Variants in SLC30A8 observed in about 807,000 individuals in gnomAD.
SLC30A8 encodes the protein proton-coupled zinc antiporter SLC30A8.
SLC30A8 carries 27 observed loss-of-function variants against 36.9 expected under a neutral mutation model. The ratio of observed to expected loss-of-function variants is 0.73; its 90% confidence interval spans 0.54 to 1.01. The LOEUF (loss-of-function observed/expected upper bound fraction) is 1.01, where lower values mean the gene tolerates loss of function less well. Ranked by LOEUF, SLC30A8 falls within the 50% of genes least tolerant of loss-of-function variation. The pLI, the probability that SLC30A8 is intolerant of heterozygous loss-of-function variation, is 0.00. For synonymous variants in SLC30A8, 164 were observed against 172.4 expected (o/e 0.95, Z 0.38); for missense variants, 439 against 452.0 (o/e 0.97, Z 0.26).
chr8:117,047,136 G>T (rs1817577879), intron 2 of SLC30A8, among the ~76,000 whole-genome samples: 2 of 152,218 alleles, frequency 1.3e-5, no homozygotes, highest in African/African-American at 4.8e-5. Context: ...CATTAGCAGG[G>T]ACTACTGAGG....
At position 117,125,132 on chromosome 8, in the gene SLC30A8, C is replaced by T. The variant is rs115449922; in HGVS notation, c.-225-10148C>T. On this transcript the variant is annotated intron_variant, in intron 2 of 10. Coordinates refer to the SLC30A8 transcript ENST00000427715. ...GTTAAGAACTAACAAACTGAGCAAC[C>T]GATCTCCAGGTAGTTTAATCAGAAT... 1.4e-4 allele frequency among the ~76,000 whole-genome samples: 21 copies of T among 151,924 alleles called. No homozygotes were observed. In the East Asian group the frequency reaches 2.1e-3, roughly 15 times the overall value.
intron 2 of SLC30A8, among the ~76,000 whole-genome samples, chr8:117,046,653 CT>C (rs1234125637): frequency 6.6e-6 from 1 of 152,202 alleles, no homozygotes; most frequent in African/African-American, 2.4e-5. Flanking sequence ...TAAGAATCCC[CT>C]TAGAGACATA....
chr8:116,997,858 A>G (rs1053959296), intron 1 of SLC30A8, among the ~76,000 whole-genome samples: 1 of 152,186 alleles, frequency 6.6e-6, no homozygotes, highest in African/African-American at 2.4e-5. Flanking sequence ...GAGTATAAAG[A>G]TGATAAAACA....
intron 2 of SLC30A8, among the ~76,000 whole-genome samples, chr8:117,066,660 A>C (rs1425536419): frequency 1.3e-5 from 2 of 152,108 alleles, no homozygotes; most frequent in African/African-American, 4.8e-5. Flanking sequence ...GACATGACTC[A>C]ATCAGTGTTA....
At chr8:117,160,546 C>A (rs1339721094) in intron 4 of SLC30A8, among the ~76,000 whole-genome samples, 1 of 152,134 alleles carries the variant, frequency 6.6e-6, no homozygotes, top group Non-Finnish European at 1.5e-5. Context: ...ACCTTTATGG[C>A]CCAAGCTTTT....
At chr8:117,062,774 G>A (rs115173530) in intron 2 of SLC30A8, among the ~76,000 whole-genome samples, 1,776 of 152,280 alleles carry the variant, frequency 0.012, 50 homozygotes, top group African/African-American at 0.04. Flanking sequence ...AGGAGTGGCT[G>A]GATGATTCTG....
chr8:117,053,754 TTAATGA>T (rs1269137369), intron 2 of SLC30A8, among the ~76,000 whole-genome samples: 1 of 152,230 alleles, frequency 6.6e-6, no homozygotes, highest in African/African-American at 2.4e-5. Flanking sequence ...CAGCAGGGAC[TTAATGA>T]TAAGAGCAAC....
chr8:117,163,680 A>AT (rs921082095), intron 6 of SLC30A8, 150 bp downstream of exon 6: 121 of 612,786 alleles, frequency 2.0e-4, no homozygotes, highest in South Asian at 8.3e-4. Context: ...CAATCATTTG[A>AT]TTTTTTTTCC....
At chr8:117,089,992 A>C (rs1819039271) in intron 2 of SLC30A8, among the ~76,000 whole-genome samples, 1 of 147,686 alleles carries the variant, frequency 6.8e-6, no homozygotes, top group Non-Finnish European at 1.5e-5. Context: ...TTTTTTTTTT[A>C]GACACATTCT....
At chr8:117,035,285 A>T (rs1817177025) in intron 1 of SLC30A8, among the ~76,000 whole-genome samples, 1 of 152,270 alleles carries the variant, frequency 6.6e-6, no homozygotes, top group African/African-American at 2.4e-5. Context: ...TCCAAGATAC[A>T]GTAAGGGTAC....
intron 2 of SLC30A8, among the ~76,000 whole-genome samples, chr8:117,127,019 G>C (rs1820934554): frequency 6.6e-6 from 1 of 152,004 alleles, no homozygotes; most frequent in Admixed American, 6.6e-5. Flanking sequence ...AATTTTAAAA[G>C]CAAAGTAGCC....
intron 2 of SLC30A8, among the ~76,000 whole-genome samples, chr8:117,118,473 G>C (rs1820547207): frequency 6.6e-6 from 1 of 151,816 alleles, no homozygotes; most frequent in Non-Finnish European, 1.5e-5. Flanking sequence ...CAACATGTGA[G>C]CTCTGCCATT....
intron 1 of SLC30A8, among the ~76,000 whole-genome samples, chr8:116,953,359 C>T (rs950377710): frequency 6.6e-6 from 1 of 152,046 alleles, no homozygotes; most frequent in African/African-American, 2.4e-5. Flanking sequence ...TTTATTCTTT[C>T]TAATACGACT....
intron 3 of SLC30A8, among the ~76,000 whole-genome samples, chr8:117,157,440 A>G (rs1586601435): frequency 6.6e-6 from 1 of 152,218 alleles, no homozygotes. Context: ...AATATGTTCT[A>G]AAAATTTGCT....
In SLC30A8 at chr8:117,157,542, C is replaced by T. The variant is rs1822558819; in HGVS notation, c.419-149C>T. ...AATACTTTCTCTTAGTTTTAAAATC[C>T]ATCCACACTTTTACTTTGTGAATCA... On this transcript the variant is annotated intron_variant, in intron 3 of 7. Transcript: ENST00000456015. The T allele has an allele frequency of 1.2e-5, 9 of 778,442 alleles. No homozygotes were observed. The South Asian group carries it at 2.0e-4, about 17-fold the overall frequency. The allele number at this position is 778,442 out of a possible 1,614,324, so 48.2% of individuals were successfully genotyped here.
intron 2 of SLC30A8, among the ~76,000 whole-genome samples, chr8:117,080,398 C>T (rs1818635377): frequency 6.6e-6 from 1 of 151,878 alleles, no homozygotes; most frequent in Non-Finnish European, 1.5e-5. Flanking sequence ...AGGTTTGTTA[C>T]AAAGGTATAC....
At chr8:117,017,843 C>G (rs751332667) in intron 1 of SLC30A8, 6 of 152,062 alleles carry the variant, frequency 3.9e-5, no homozygotes, top group Non-Finnish European at 8.8e-5. Flanking sequence ...GCTTTCTGCC[C>G]AACAGGGAAG....
At chr8:117,030,914 C>G (rs74782657) in intron 1 of SLC30A8, among the ~76,000 whole-genome samples, 2,095 of 152,284 alleles carry the variant, frequency 0.014, 47 homozygotes, top group African/African-American at 0.047. Context: ...CAGCTGAGAA[C>G]ACGTCTTGGA....
intron 1 of SLC30A8, among the ~76,000 whole-genome samples, chr8:116,954,947 C>T (rs1009225294): frequency 1.3e-5 from 2 of 152,116 alleles, no homozygotes; most frequent in Non-Finnish European, 2.9e-5. Flanking sequence ...GGAAGAGGAA[C>T]GCCACATCCA....
Sources: allele counts gnomAD v4.1 joint callset (sites outside exome capture counted in the v4.1 genomes callset), GRCh38; gene constraint gnomAD v4.1.1; transcripts MANE v1.5; gene names NCBI Gene and HGNC (gene_info 2026-07-23, HGNC 2026-07-21).